Variants in PKNOX2 observed in about 807,000 individuals in gnomAD.
PKNOX2 encodes homeobox protein PKNOX2.
Under a neutral mutation model 53.1 loss-of-function variants are expected in PKNOX2, and 14 were observed. That is an observed-to-expected ratio of 0.26 (90% confidence interval 0.17 to 0.41). The LOEUF (loss-of-function observed/expected upper bound fraction) is 0.41. PKNOX2 is among the 10% of genes least tolerant of loss of function. The probability of loss-of-function intolerance (pLI) is 1.00; values close to 1 mark genes in which losing one functional copy is unlikely to be tolerated. For missense variants in PKNOX2, 496 were observed against 602.8 expected (o/e 0.82, Z 1.85); for synonymous variants, 257 against 242.8 (o/e 1.06, Z -0.54).
intron 2 of PKNOX2, among the ~76,000 whole-genome samples, chr11:125,284,421 AT>A (rs1946770078): frequency 6.6e-6 from 1 of 152,202 alleles, no homozygotes; most frequent in African/African-American, 2.4e-5. Context: ...ACCAGGATAG[AT>A]TGTGGTGCGT....
intron 2 of PKNOX2, among the ~76,000 whole-genome samples, chr11:125,276,644 T>C (rs774626120): frequency 1.3e-5 from 2 of 152,150 alleles, no homozygotes; most frequent in Non-Finnish European, 2.9e-5. Context: ...TGAAATATAC[T>C]GCAAGGTCAT....
At chr11:125,266,896 G>A (rs922236258) in intron 2 of PKNOX2, 3 of 152,270 alleles carry the variant, frequency 2.0e-5, no homozygotes, top group Admixed American at 6.5e-5. Flanking sequence ...GAAAGAACAA[G>A]CATGCCTATC....
intron 1 of PKNOX2, among the ~76,000 whole-genome samples, chr11:125,226,712 C>T (rs758743575): frequency 3.0e-4 from 45 of 151,424 alleles, no homozygotes; most frequent in Middle Eastern, 3.5e-3. Flanking sequence ...CAACTAGGAG[C>T]GTAGATACTC....
At chr11:125,206,101 G>A (rs1435896459) in intron 1 of PKNOX2, among the ~76,000 whole-genome samples, 1 of 152,024 alleles carries the variant, frequency 6.6e-6, no homozygotes, top group African/African-American at 2.4e-5. Context: ...GGCACTCACT[G>A]TGTTCCAGGC....
At position 125,301,865 on chromosome 11, in the gene PKNOX2, A is replaced by C. The variant is rs372587315; in HGVS notation, c.-129-29954A>C. On this transcript the variant is annotated intron_variant, in intron 2 of 12. Coordinates refer to ENST00000298282, the MANE Select transcript of PKNOX2 (RefSeq NM_001382323.2). ...TGATTTTGCAGATGTAATTTAAGCCAGGGAAAGCGTGCTCTTATACATTTG... is the reference window on the plus strand; with the variant it reads ...TGATTTTGCAGATGTAATTTAAGCCCGGGAAAGCGTGCTCTTATACATTTG... Among the ~76,000 whole-genome samples, 25 of 152,330 alleles carry C rather than the reference A, an allele frequency of 1.6e-4. No individual in the cohort carries two copies. In the East Asian group the frequency reaches 4.2e-3, roughly 26 times the overall value.
chr11:125,218,037 TCTC>T (rs778315463), intron 1 of PKNOX2, among the ~76,000 whole-genome samples: 3 of 152,150 alleles, frequency 2.0e-5, no homozygotes, highest in Non-Finnish European at 4.4e-5. Flanking sequence ...CAATGGGTCT[TCTC>T]CTTCTCCTCT....
intron 2 of PKNOX2, among the ~76,000 whole-genome samples, chr11:125,246,806 T>C (rs1041711816): frequency 6.6e-6 from 1 of 152,214 alleles, no homozygotes; most frequent in African/African-American, 2.4e-5. Context: ...TCTTAGGCCC[T>C]GTGCTTTGAT....
At position 125,425,561 on chromosome 11, in the gene PKNOX2, C is replaced by T. The variant is rs11220066; in HGVS notation, c.937-3451C>T. 2.2e-4 allele frequency among the ~76,000 whole-genome samples: 26 copies of T among 118,070 alleles called. 1 individual carries two copies. Among genetic ancestry groups the T allele is most frequent in the East Asian group, 3.5e-4 (1 of 2,866 alleles). The allele number at this position is 118,070 out of a possible 152,430, so 77.5% of individuals were successfully genotyped here. On this transcript the variant is annotated intron_variant, in intron 10 of 12. Transcript: ENST00000298282. ...TTGATGGTTTGCCGTGATCCAATAA[C>T]GATCAGAGAGCAGCCACTGTGCCTT...
chr11:125,384,863 A>G (rs565439520), intron 5 of PKNOX2, among the ~76,000 whole-genome samples: 10 of 152,266 alleles, frequency 6.6e-5, no homozygotes, highest in Admixed American at 2.0e-4. Flanking sequence ...TAGGGATATC[A>G]GGATCACTAA....
chr11:125,325,662 A>G lies in PKNOX2; in HGVS notation c.-129-6157A>G, dbSNP rs576830371. Among the ~76,000 whole-genome samples, 8 of 152,370 alleles carry G rather than the reference A, an allele frequency of 5.3e-5. No homozygotes were observed. In the East Asian group the frequency reaches 1.3e-3, roughly 26 times the overall value. Reference sequence around the variant, plus strand: ...CCAAGCCCTTTGCTATCTGCTAAGCATATCACACATCTAATGTAATACTAT... The same window carrying G: ...CCAAGCCCTTTGCTATCTGCTAAGCGTATCACACATCTAATGTAATACTAT... On this transcript the variant is annotated intron_variant, in intron 2 of 12. Transcript: ENST00000298282.
At chr11:125,400,968 C>T (rs962089496) in intron 7 of PKNOX2, among the ~76,000 whole-genome samples, 1 of 151,980 alleles carries the variant, frequency 6.6e-6, no homozygotes, top group African/African-American at 2.4e-5. Context: ...CTTCAGAGTC[C>T]TAGTGTACTC....
At chr11:125,235,581 T>C (rs563936858) in intron 2 of PKNOX2, among the ~76,000 whole-genome samples, 4 of 152,372 alleles carry the variant, frequency 2.6e-5, no homozygotes, top group Admixed American at 2.0e-4. Flanking sequence ...TGCTGACCGC[T>C]TCCCTTCCAT....
At chr11:125,317,572 C>T (rs1949278617) in intron 2 of PKNOX2, among the ~76,000 whole-genome samples, 2 of 152,218 alleles carry the variant, frequency 1.3e-5, no homozygotes, top group Admixed American at 1.3e-4. Context: ...TAATCACGTG[C>T]ATTGCCAATG....
intron 3 of PKNOX2, among the ~76,000 whole-genome samples, chr11:125,342,048 C>A (rs1950716718): frequency 6.6e-6 from 1 of 152,184 alleles, no homozygotes; most frequent in South Asian, 2.1e-4. Flanking sequence ...GCCTGGGCCA[C>A]CAGGAAGGTG....
intron 4 of PKNOX2, among the ~76,000 whole-genome samples, chr11:125,362,333 G>A (rs1030104341): frequency 6.6e-6 from 1 of 152,048 alleles, no homozygotes; most frequent in Non-Finnish European, 1.5e-5. Flanking sequence ...TACTGCACAG[G>A]ATTATTGTGA....
chr11:125,317,900 T>G (rs1334229736), intron 2 of PKNOX2, among the ~76,000 whole-genome samples: 2 of 152,232 alleles, frequency 1.3e-5, no homozygotes, highest in African/African-American at 4.8e-5. Flanking sequence ...GATGGCATAT[T>G]CTTTCAACAT....
At chr11:125,408,211 T>C (rs1955233898) in intron 7 of PKNOX2, among the ~76,000 whole-genome samples, 1 of 152,196 alleles carries the variant, frequency 6.6e-6, no homozygotes, top group South Asian at 2.1e-4. Context: ...TTATTTGTAC[T>C]TCAGGGAGGG....
chr11:125,222,824 T>TTGCATCGAAAGGTGTCTCTGC (rs1941351562), intron 1 of PKNOX2, among the ~76,000 whole-genome samples: 1 of 152,002 alleles, frequency 6.6e-6, no homozygotes, highest in Non-Finnish European at 1.5e-5. Context: ...TGTGTGTGTG[T>TTGCATCGAAAGGTGTCTCTGC]TGCATCGAAA....
intron 2 of PKNOX2, among the ~76,000 whole-genome samples, chr11:125,323,797 T>G (rs1949664760): frequency 1.3e-5 from 2 of 152,174 alleles, no homozygotes. Flanking sequence ...TTACTGTGTG[T>G]GGCATGACCC....
Sources: gnomAD v4.1 joint callset for allele counts (sites outside exome capture counted in the v4.1 genomes callset) on GRCh38, gnomAD v4.1.1 for gene constraint, MANE v1.5 for transcripts, NCBI Gene and HGNC (gene_info 2026-07-23, HGNC 2026-07-21) for gene names.